The following WDR76 variants were observed in gnomAD, a reference collection of about 807,000 sequenced individuals.
WDR76 encodes WD repeat domain 76.
In WDR76, 52 loss-of-function variants were observed where a neutral mutation model predicts 70.2. The observed-to-expected ratio is 0.74, with a 90% CI of 0.59 to 0.93. WDR76 has a LOEUF of 0.93. Ranked by LOEUF, WDR76 falls within the 40% of genes least tolerant of loss-of-function variation. The pLI is 0.00. For missense variants in WDR76, 756 were observed against 760.2 expected (o/e 0.99, Z 0.07); for synonymous variants, 292 against 271.1 (o/e 1.08, Z -0.76).
chr15:43,864,434 C>T (rs1017330756), intron 12 of WDR76, among the ~76,000 whole-genome samples: 2 of 152,078 alleles, frequency 1.3e-5, no homozygotes, highest in African/African-American at 4.8e-5. Flanking sequence ...TTGCTGTTTT[C>T]ATAATGGCCA....
chr15:43,865,600 C>T (rs776771893), intron 12 of WDR76, among the ~76,000 whole-genome samples: 15 of 151,828 alleles, frequency 9.9e-5, no homozygotes, highest in African/African-American at 2.4e-4. Flanking sequence ...GACTGGGTTT[C>T]GCCGTGTTGG....
chr15:43,855,707 G>T (rs2087918632), intron 9 of WDR76, among the ~76,000 whole-genome samples: 1 of 152,026 alleles, frequency 6.6e-6, no homozygotes, highest in African/African-American at 2.4e-5. Context: ...GATATAGTCG[G>T]GCATGGTGGC....
intron 2 of WDR76, among the ~76,000 whole-genome samples, chr15:43,829,817 C>T (rs1220460098): frequency 6.6e-6 from 1 of 151,794 alleles, no homozygotes; most frequent in Non-Finnish European, 1.5e-5. Context: ...AGCACGGGTA[C>T]TTCTAAGAAA....
intron 9 of WDR76, among the ~76,000 whole-genome samples, chr15:43,855,860 A>AAG (rs991710726): frequency 6.6e-6 from 1 of 151,674 alleles, no homozygotes; most frequent in Non-Finnish European, 1.5e-5. Flanking sequence ...AAAAAAAAAA[A>AAG]AACACGCTCA....
At chr15:43,861,520 A>G (rs2087997646) in intron 12 of WDR76, 134 bp downstream of exon 12, 1 of 867,056 alleles carries the variant, frequency 1.2e-6, no homozygotes, top group Non-Finnish European at 1.8e-6. Context: ...TAAGTGTCCC[A>G]GTTTGCTAGT....
chr15:43,836,955 G>A (rs2087663532), intron 4 of WDR76, among the ~76,000 whole-genome samples: 3 of 150,794 alleles, frequency 2.0e-5, no homozygotes, highest in South Asian at 4.2e-4. Context: ...CAGGAGAATC[G>A]CTTGAACCCG....
intron 4 of WDR76, among the ~76,000 whole-genome samples, chr15:43,837,057 CA>C (rs939046687): frequency 4.3e-5 from 6 of 140,356 alleles, no homozygotes; most frequent in African/African-American, 1.6e-4. Flanking sequence ...AAAAAAAAAA[CA>C]AAAAAAAACA....
Position 43,844,024 on chromosome 15 carries a change from C to T in WDR76, c.1002C>T (p.Ala334=), listed in dbSNP as rs755390543. 6.8e-6 allele frequency: 11 copies of T among 1,613,190 alleles called. No homozygotes were observed. In the South Asian group the frequency reaches 9.9e-5, roughly 15 times the overall value. The change falls in exon 8 of 13, where the codon GCC becomes GCT. Residue 334 remains alanine (A), a synonymous_variant. Coordinates refer to ENST00000263795, the MANE Select transcript of WDR76 (RefSeq NM_024908.4). The part of the protein sequence containing the change: ...SETRTLVAVG[A]KFGQVGLCDL... ...CTAGAACTTTGGTAGCAGTTGGGGC[C>T]AAATTTGGGCAAGTTGGACTTTGTG...
chr15:43,866,781 C>G lies in WDR76; in HGVS notation c.*389C>G, dbSNP rs780601854. 1 of 168,232 alleles carries G rather than the reference C, an allele frequency of 5.9e-6. No individual in the cohort carries two copies. 10.4% of individuals were successfully genotyped at this position (168,232 alleles called of 1,614,324 possible). ...AGCTGGGATTACAGGCACCTGCCAC[C>G]ACGCCTGGCTATTTTTTTGTATTTT... On this transcript the variant is annotated 3_prime_UTR_variant, in exon 13 of 13. Coordinates refer to ENST00000263795, the MANE Select transcript of WDR76 (RefSeq NM_024908.4).
At chr15:43,858,497 C>T in intron 10 of WDR76, 174 bp from the exon 11 acceptor site, 1 of 687,840 alleles carries the variant, frequency 1.5e-6, no homozygotes, top group Non-Finnish European at 2.3e-6. Flanking sequence ...CCACCTGCCT[C>T]CACCTCCCAA....
chr15:43,845,343 C>G (rs905469879), intron 8 of WDR76, among the ~76,000 whole-genome samples: 1 of 150,144 alleles, frequency 6.7e-6, no homozygotes, highest in Non-Finnish European at 1.5e-5. Context: ...ATACTAATCC[C>G]TATGGTATTA....
At chr15:43,865,895 A>G (rs2088064256) in intron 12 of WDR76, among the ~76,000 whole-genome samples, 1 of 152,210 alleles carries the variant, frequency 6.6e-6, no homozygotes, top group Non-Finnish European at 1.5e-5. Context: ...TGGGAACTAT[A>G]AAGGGCTCCA....
At chr15:43,850,952 A>C in intron 8 of WDR76, 135 bp from the exon 9 acceptor site, 1 of 1,099,574 alleles carries the variant, frequency 9.1e-7, no homozygotes, top group East Asian at 2.5e-5. Context: ...TGAAGGGGAG[A>C]GTGGTTACAA....
In WDR76 at chr15:43,842,532, G is replaced by A. The variant is rs772278078; in HGVS notation, c.834+16G>A. On this transcript the variant is annotated intron_variant, in intron 6 of 12. Transcript: ENST00000263795. Reference sequence around the variant, plus strand: ...AATGAGCAAGGTATCACTTGGGAAGGCCAATAGCCTTTAGAATCATCTGTT... The same window carrying A: ...AATGAGCAAGGTATCACTTGGGAAGACCAATAGCCTTTAGAATCATCTGTT... 3.7e-6 allele frequency: 6 copies of A among 1,610,722 alleles called. No individual in the cohort carries two copies. The Admixed American group carries it at 5.0e-5, about 14-fold the overall frequency.
chr15:43,840,100 C>T (rs1455621270), intron 5 of WDR76, among the ~76,000 whole-genome samples: 1 of 152,104 alleles, frequency 6.6e-6, no homozygotes, highest in African/African-American at 2.4e-5. Context: ...CTGAAGTGGT[C>T]TGCCTGCCTC....
chr15:43,847,122 A>T (rs1265635611), intron 8 of WDR76, among the ~76,000 whole-genome samples: 1 of 152,076 alleles, frequency 6.6e-6, no homozygotes, highest in Non-Finnish European at 1.5e-5. Context: ...TCTCATTAAC[A>T]GATTTAACAA....
At chr15:43,858,913 C>T in intron 11 of WDR76, 90 bp downstream of exon 11, 1 of 1,457,932 alleles carries the variant, frequency 6.9e-7, no homozygotes, top group Non-Finnish European at 9.3e-7. Flanking sequence ...TACTGCTGTT[C>T]CCTATTAAAT....
Position 43,866,140 on chromosome 15 carries a change from C to T in WDR76, c.1629C>T (p.Phe543=). The change falls in exon 13 of 13, where the codon TTC becomes TTT. Residue 543 remains phenylalanine, a synonymous_variant. Coordinates refer to ENST00000263795, the MANE Select transcript of WDR76 (RefSeq NM_024908.4). ...TTTTCCTCACTAGGCACAACACTTT[C>T]ACTGGGCGATGGCTGACCAGGTTCC... ...PLLTTIRHNT[F]TGRWLTRFQA... 1 of 1,614,152 alleles carries T rather than the reference C, an allele frequency of 6.2e-7. No homozygotes were observed. The highest frequency in any genetic ancestry group is 8.5e-7 in the Non-Finnish European group (1 of 1,179,980).
chr15:43,862,958 C>T (rs1419395954), intron 12 of WDR76, among the ~76,000 whole-genome samples: 4 of 151,778 alleles, frequency 2.6e-5, no homozygotes, highest in Non-Finnish European at 4.4e-5. Context: ...TATTTAGAGA[C>T]AGAGTCTCGC....
Sources: allele counts gnomAD v4.1 joint callset (sites outside exome capture counted in the v4.1 genomes callset), GRCh38; gene constraint gnomAD v4.1.1; transcripts MANE v1.5; gene names NCBI Gene and HGNC (gene_info 2026-07-23, HGNC 2026-07-21).